Variants in CDH18 observed in about 807,000 individuals in gnomAD.
CDH18 encodes cadherin-18.
Under a neutral mutation model 67.9 loss-of-function variants are expected in CDH18, and 31 were observed. That is an observed-to-expected ratio of 0.46 (90% CI 0.34 to 0.62). The LOEUF is 0.62. Ranked by LOEUF, CDH18 falls within the 20% of genes least tolerant of loss-of-function variation. The pLI is 0.01. For missense variants in CDH18, 890 were observed against 975.5 expected (o/e 0.91, Z 1.17); for synonymous variants, 362 against 347.2 (o/e 1.04, Z -0.48).
At chr5:20,208,658 G>A (rs1480718718) in intron 2 of CDH18, among the ~76,000 whole-genome samples, 1 of 77,580 alleles carries the variant, frequency 1.3e-5, no homozygotes, top group African/African-American at 8.1e-5. Context: ...GTATTGGTCT[G>A]AGCAAAGTTT....
intron 1 of CDH18, among the ~76,000 whole-genome samples, chr5:20,507,854 A>C (rs73764438): frequency 2.1e-3 from 316 of 152,314 alleles, no homozygotes; most frequent in African/African-American, 7.3e-3. Context: ...CAACTAAATT[A>C]AACTTTTTAG....
chr5:20,358,438 G>A (rs534447161), intron 1 of CDH18, among the ~76,000 whole-genome samples: 29 of 152,320 alleles, frequency 1.9e-4, no homozygotes, highest in African/African-American at 5.8e-4. Context: ...AAAGGGTACA[G>A]ATATTTCTGA....
chr5:19,583,058 G>T (rs909791703), intron 7 of CDH18, among the ~76,000 whole-genome samples: 1 of 151,662 alleles, frequency 6.6e-6, no homozygotes, highest in Non-Finnish European at 1.5e-5. Flanking sequence ...TAAATAAAAG[G>T]GTTTGATAAT....
At chr5:19,958,751 G>A (rs1796514502) in intron 2 of CDH18, among the ~76,000 whole-genome samples, 1 of 151,982 alleles carries the variant, frequency 6.6e-6, no homozygotes, top group African/African-American at 2.4e-5. Context: ...TGTAACTTTG[G>A]AAAGTCTGGA....
At chr5:20,574,586 T>A (rs1335351356) in intron 1 of CDH18, among the ~76,000 whole-genome samples, 2 of 152,070 alleles carry the variant, frequency 1.3e-5, no homozygotes, top group Non-Finnish European at 2.9e-5. Flanking sequence ...GCAGTTAATA[T>A]CTGTGACCTA....
At chr5:20,501,022 G>C (rs1038567135) in intron 1 of CDH18, among the ~76,000 whole-genome samples, 12 of 152,020 alleles carry the variant, frequency 7.9e-5, no homozygotes, top group African/African-American at 2.9e-4. Flanking sequence ...CAACAATAAG[G>C]ACACAAATAT....
chr5:20,066,241 T>C (rs909935215), intron 2 of CDH18, among the ~76,000 whole-genome samples: 1 of 152,032 alleles, frequency 6.6e-6, no homozygotes, highest in Non-Finnish European at 1.5e-5. Flanking sequence ...TTTGAAAATG[T>C]AGAGCTCCAC....
intron 1 of CDH18, among the ~76,000 whole-genome samples, chr5:20,315,334 C>T (rs920266621): frequency 6.6e-6 from 1 of 152,052 alleles, no homozygotes; most frequent in Admixed American, 6.6e-5. Flanking sequence ...GCAATAGCCT[C>T]CTAATTGTCT....
chr5:19,729,578 T>C (rs1767319237), intron 4 of CDH18, among the ~76,000 whole-genome samples: 1 of 152,198 alleles, frequency 6.6e-6, no homozygotes, highest in African/African-American at 2.4e-5. Flanking sequence ...AGAAGAAGCT[T>C]TCTATCACAT....
chr5:19,487,239 A>T (rs953510281), intron 11 of CDH18, among the ~76,000 whole-genome samples: 8 of 152,202 alleles, frequency 5.3e-5, no homozygotes, highest in African/African-American at 9.6e-5. Context: ...GGTAAATGAT[A>T]GATAGATTAG....
chr5:19,879,314 C>A (rs577766387), intron 2 of CDH18, among the ~76,000 whole-genome samples: 1 of 151,990 alleles, frequency 6.6e-6, no homozygotes, highest in Admixed American at 6.6e-5. Context: ...AAGTTTGCCA[C>A]ATAACTGCTT....
intron 2 of CDH18, among the ~76,000 whole-genome samples, chr5:19,921,395 G>T (rs572438704): frequency 6.6e-6 from 1 of 151,930 alleles, no homozygotes; most frequent in Non-Finnish European, 1.5e-5. Context: ...GCCAGGAGTG[G>T]TGGCGGGCAC....
In CDH18 at chr5:19,473,500, C is replaced by T. The variant is rs1486479328; in HGVS notation, c.2099G>A (p.Arg700Lys). ...DIRPEVKLTPRHQTSSTLESI... is the reference protein window; with the variant it reads ...DIRPEVKLTPKHQTSSTLESI... Reference sequence around the variant, plus strand: ...TTCCAGGGTGGATGATGTCTGGTGTCTGGGAGTGAGCTTCACTTCAGGTCT... The same window carrying T: ...TTCCAGGGTGGATGATGTCTGGTGTTTGGGAGTGAGCTTCACTTCAGGTCT... Residue 700 changes from arginine to lysine, a missense_variant, in exon 13 of 13, where the codon AGA (arginine) becomes AAA (lysine). Coordinates refer to ENST00000382275, the MANE Select transcript of CDH18 (RefSeq NM_004934.5). 24 of 1,613,652 alleles carry T rather than the reference C, an allele frequency of 1.5e-5. No homozygotes were observed. The highest frequency in any genetic ancestry group is 1.9e-5 in the Non-Finnish European group (23 of 1,179,844).
chr5:20,265,440 T>C (rs921283756), intron 1 of CDH18, among the ~76,000 whole-genome samples: 1 of 152,098 alleles, frequency 6.6e-6, no homozygotes, highest in East Asian at 1.9e-4. Flanking sequence ...GGATGTATAC[T>C]ATTTCTGCTT....
intron 2 of CDH18, among the ~76,000 whole-genome samples, chr5:19,970,821 AAAG>A (rs1400314042): frequency 2.6e-5 from 4 of 151,248 alleles, no homozygotes; most frequent in African/African-American, 9.7e-5. Context: ...TTAAAATAAT[AAAG>A]AAGATAGAAA....
At chr5:20,444,886 T>G (rs563415250) in intron 1 of CDH18, among the ~76,000 whole-genome samples, 1 of 152,230 alleles carries the variant, frequency 6.6e-6, no homozygotes, top group African/African-American at 2.4e-5. Context: ...AGTATAAATT[T>G]GAGTCATTCC....
chr5:19,729,595 T>C (rs12055067), intron 4 of CDH18, among the ~76,000 whole-genome samples: 4,576 of 152,224 alleles, frequency 0.03, 231 homozygotes, highest in East Asian at 0.25. Context: ...ACATTTCCCA[T>C]AGTGAAAGGC....
upstream of CDH18, among the ~76,000 whole-genome samples, chr5:19,990,756 C>T (rs1799935444): frequency 6.6e-6 from 1 of 151,534 alleles, no homozygotes; most frequent in Non-Finnish European, 1.5e-5. Context: ...ATTTTCAGCT[C>T]AAAACAAATA....
chr5:19,571,900 C>G, intron 7 of CDH18, 68 bp from the exon 8 acceptor site: 1 of 1,209,330 alleles, frequency 8.3e-7, no homozygotes, highest in Non-Finnish European at 1.2e-6. Flanking sequence ...CATTACTTTT[C>G]AAATATGCAT....
Sources: gnomAD v4.1 joint callset for allele counts (sites outside exome capture counted in the v4.1 genomes callset) on GRCh38, gnomAD v4.1.1 for gene constraint, MANE v1.5 for transcripts, NCBI Gene and HGNC (gene_info 2026-07-23, HGNC 2026-07-21) for gene names.